The following SNX31 variants were observed in gnomAD, a reference collection of about 807,000 sequenced individuals.
SNX31 encodes the protein sorting nexin 31.
A neutral mutation model predicts 65.4 loss-of-function variants in SNX31; 58 were observed. That is an observed-to-expected ratio of 0.89 (90% CI 0.72 to 1.10). The LOEUF is 1.10. SNX31 is among the 50% of genes least tolerant of loss of function. The pLI is 0.00. For synonymous variants in SNX31, 181 were observed against 190.1 expected, an observed-to-expected ratio of 0.95 and a Z score of 0.39; for missense variants, 523 against 529.7, an observed-to-expected ratio of 0.99 and a Z score of 0.12.
chr8:100,584,254 C>T, intron 11 of SNX31, 66 bp from the exon 12 acceptor site: 4 of 1,340,276 alleles, frequency 3.0e-6, no homozygotes, highest in Non-Finnish European at 4.1e-6. Flanking sequence ...CTTCCCTCCT[C>T]ACACCACAAA....
At chr8:100,596,021 A>G (rs1193864339) in intron 10 of SNX31, among the ~76,000 whole-genome samples, 1 of 152,184 alleles carries the variant, frequency 6.6e-6, no homozygotes, top group African/African-American at 2.4e-5. Context: ...CAGCTAAAAA[A>G]TCGCCAGGGA....
chr8:100,635,947 G>A lies in SNX31; in HGVS notation c.206C>T (p.Thr69Ile). The A allele has an allele frequency of 6.2e-7, 1 of 1,614,166 alleles. No individual in the cohort carries two copies. Among genetic ancestry groups the A allele is most frequent in the South Asian group, 1.1e-5 (1 of 91,084 alleles). The part of the protein sequence containing the change: ...FPPKYYLAMT[T>I]AMADERRDQL... ...GTCCCTCCTCTCATCAGCCATAGCT[G>A]TGGTCATTGCCAGATAGTACTTTGG... Residue 69 changes from threonine to isoleucine, a missense_variant, in exon 3 of 14, where the codon ACA becomes ATA. By Grantham distance (89) the Thr-to-Ile change is moderately conservative (BLOSUM62 -1). Coordinates refer to ENST00000311812, the MANE Select transcript of SNX31 (RefSeq NM_152628.4).
intron 1 of SNX31, among the ~76,000 whole-genome samples, chr8:100,655,181 G>C (rs1218180331): frequency 6.6e-6 from 1 of 152,186 alleles, no homozygotes; most frequent in East Asian, 1.9e-4. Context: ...GAGGGACATT[G>C]ACCCAGCAGG....
upstream of SNX31, among the ~76,000 whole-genome samples, chr8:100,653,199 G>A (rs1813835): frequency 0.62 from 94,272 of 152,050 alleles, 31,365 homozygotes; most frequent in African/African-American, 0.87. Flanking sequence ...GTCTGTGTTG[G>A]GTGCTCTAGG....
chr8:100,577,162 A>C, intron 12 of SNX31, 87 bp from the exon 13 acceptor site: 1 of 1,156,550 alleles, frequency 8.6e-7, no homozygotes, highest in South Asian at 1.4e-5. Flanking sequence ...TTTCCCTTCC[A>C]CGATAATCCT....
chr8:100,586,611 C>G (rs1468027704), intron 11 of SNX31, among the ~76,000 whole-genome samples: 1 of 152,182 alleles, frequency 6.6e-6, no homozygotes, highest in African/African-American at 2.4e-5. Flanking sequence ...ATAATCTTGC[C>G]TTAGCAAACC....
intron 10 of SNX31, 57 bp downstream of exon 10, chr8:100,596,582 A>G: frequency 6.8e-7 from 1 of 1,473,942 alleles, no homozygotes; most frequent in Non-Finnish European, 9.5e-7. Flanking sequence ...CAACTTTGTC[A>G]TCCAAGGGTA....
At chr8:100,650,015 T>C (rs182477849), upstream of SNX31, among the ~76,000 whole-genome samples, 1 of 152,250 alleles carries the variant, frequency 6.6e-6, no homozygotes, top group East Asian at 1.9e-4. Context: ...GCAACCTTGC[T>C]TTCGTATTAT....
chr8:100,611,953 T>A (rs200328402), intron 7 of SNX31, 47 bp downstream of exon 7: 11 of 1,446,388 alleles, frequency 7.6e-6, no homozygotes, highest in South Asian at 1.1e-5. Flanking sequence ...TGATGGGCAA[T>A]GGCGAAGTGT....
In SNX31 at chr8:100,575,865, C is replaced by G. The variant is rs959073506; in HGVS notation, c.1227+1154G>C. On this transcript the variant is annotated intron_variant, in intron 13 of 13. Transcript: ENST00000311812. The surrounding 1 kb of genome is among the most constrained non-coding windows in gnomAD (Gnocchi z 5.1). Reference sequence around the variant, plus strand: ...AATCCAAATTTCTGAGGGTGGGGCTCAAGCATTAGTTTTTAGAGCTCCCCA... The same window carrying G: ...AATCCAAATTTCTGAGGGTGGGGCTGAAGCATTAGTTTTTAGAGCTCCCCA... Among the ~76,000 whole-genome samples the G allele has an allele frequency of 5.3e-5, 8 of 152,242 alleles. No homozygotes were observed. Among genetic ancestry groups the G allele is most frequent in the Admixed American group, 2.0e-4 (3 of 15,282 alleles).
chr8:100,629,501 T>G lies in SNX31; in HGVS notation c.321+826A>C, dbSNP rs370050062. Among the ~76,000 whole-genome samples the G allele has an allele frequency of 2.5e-4, 38 of 152,308 alleles. No homozygotes were observed. The highest frequency in any genetic ancestry group is 8.7e-4 in the African/African-American group (36 of 41,578). ...AAATATTCCAACACATTTGAACCCC[T>G]GTTTACATGAGATTTGTTGTGAGAA... On this transcript the variant is annotated intron_variant, in intron 4 of 13. Coordinates refer to ENST00000311812, the MANE Select transcript of SNX31 (RefSeq NM_152628.4). The surrounding 1 kb of genome is among the most constrained non-coding windows in gnomAD (Gnocchi z 5.1).
At position 100,573,157 on chromosome 8, in the gene SNX31, T is replaced by G. The variant is rs1812773531; in HGVS notation, c.*708A>C. On this transcript the variant is annotated 3_prime_UTR_variant, in exon 14 of 14. Coordinates refer to ENST00000311812, the MANE Select transcript of SNX31 (RefSeq NM_152628.4). ...GTGCAGAGCCTTATTGCTTTCCAAA[T>G]TAAAACATTCCAAATAGCATGTTGA... 1 of 150,132 alleles carries G rather than the reference T, an allele frequency of 6.7e-6. No individual in the cohort carries two copies. 9.3% of individuals were successfully genotyped at this position (150,132 alleles called of 1,614,324 possible). A position where few individuals can be genotyped will look rare whatever the true frequency, so the allele number is the denominator to read the frequency against.
intron 10 of SNX31, among the ~76,000 whole-genome samples, chr8:100,592,007 C>T (rs961108717): frequency 2.6e-5 from 4 of 151,942 alleles, no homozygotes; most frequent in Non-Finnish European, 5.9e-5. Flanking sequence ...ATATGATCTG[C>T]AAACAGTAGA....
chr8:100,631,301 A>G (rs970346711), intron 3 of SNX31, among the ~76,000 whole-genome samples: 1 of 152,140 alleles, frequency 6.6e-6, no homozygotes, highest in Admixed American at 6.5e-5. Flanking sequence ...CCCACAAGGT[A>G]TGGCCCAGCC....
At chr8:100,621,809 C>T (rs1245617045) in intron 4 of SNX31, among the ~76,000 whole-genome samples, 2 of 152,244 alleles carry the variant, frequency 1.3e-5, no homozygotes, top group Non-Finnish European at 2.9e-5. Flanking sequence ...GCCCACTGCC[C>T]CTTACTTCCT....
Position 100,610,210 on chromosome 8 carries a change from A to C in SNX31, c.612-1647T>G, listed in dbSNP as rs1816582747. 6.6e-6 allele frequency among the ~76,000 whole-genome samples: 1 copy of C among 152,220 alleles called. No individual in the cohort carries two copies. The highest frequency in any genetic ancestry group is 6.5e-5 in the Admixed American group (1 of 15,280). Reference sequence around the variant, plus strand: ...ATTTGGGGTAGACGTTTTCTCTTGCACGTATCATCTAGAGTTTACGTATTT... The same window carrying C: ...ATTTGGGGTAGACGTTTTCTCTTGCCCGTATCATCTAGAGTTTACGTATTT... On this transcript the variant is annotated intron_variant, in intron 7 of 13. Transcript: ENST00000311812. This position sits in a 1 kb window ranked among gnomAD's most constrained non-coding sequence, Gnocchi z 4.0.
In SNX31 at chr8:100,609,294, C is replaced by T. The variant is rs1327227964; in HGVS notation, c.612-731G>A. Among the ~76,000 whole-genome samples, 3 of 152,148 alleles carry T rather than the reference C, an allele frequency of 2.0e-5. No individual in the cohort carries two copies. The highest frequency in any genetic ancestry group is 7.2e-5 in the African/African-American group (3 of 41,438). On this transcript the variant is annotated intron_variant, in intron 7 of 13. Coordinates refer to ENST00000311812, the MANE Select transcript of SNX31 (RefSeq NM_152628.4). The surrounding 1 kb of genome is among the most constrained non-coding windows in gnomAD (Gnocchi z 4.9). ...CTTTCTTTGCAAGCCTTATGCAGTG[C>T]CCCCTCCTCTGGTCCCTACTCCCCA...
At chr8:100,644,449 A>T (rs1207803049) in intron 2 of SNX31, among the ~76,000 whole-genome samples, 1 of 148,178 alleles carries the variant, frequency 6.7e-6, no homozygotes, top group Non-Finnish European at 1.5e-5. Context: ...GCATAAATCA[A>T]ACTGGTTTTG....
chr8:100,656,635 T>C (rs1208640432), intron 1 of SNX31, among the ~76,000 whole-genome samples: 1 of 79,006 alleles, frequency 1.3e-5, no homozygotes, highest in Non-Finnish European at 2.3e-5. Context: ...AGTGAGACTC[T>C]GTCTCAAAAA....
Sources: gnomAD v4.1 joint callset for allele counts (sites outside exome capture counted in the v4.1 genomes callset) on GRCh38, gnomAD v4.1.1 for gene constraint, Gnocchi (gnomAD v3.1) non-coding constraint, MANE v1.5 for transcripts, NCBI Gene and HGNC (gene_info 2026-07-23, HGNC 2026-07-21) for gene names.